ZNF559: variants seen among roughly 807,000 people sequenced by gnomAD.
ZNF559 encodes putative protein product of Nbla00121.
A neutral mutation model predicts 14.2 loss-of-function variants in ZNF559; 17 were observed. The observed-to-expected ratio is 1.20, with a 90% CI of 0.82 to 1.80. The LOEUF is 1.80. Ranked by LOEUF, ZNF559 falls within the 40% of genes most tolerant of loss-of-function variation. ZNF559 has a pLI of 0.00. For synonymous variants in ZNF559, 244 were observed against 212.4 expected (o/e 1.15, Z -1.29); for missense variants, 740 against 629.7 (o/e 1.18, Z -1.88).
chr19:9,330,761 T>G (rs978414536), intron 2 of ZNF559, among the ~76,000 whole-genome samples: 2 of 152,212 alleles, frequency 1.3e-5, no homozygotes, highest in Non-Finnish European at 2.9e-5. Flanking sequence ...TTTAAGATGA[T>G]TGTTATGACT....
rs771639174 is a variant in ZNF559, at chr19:9,342,565, A to G, written c.1114A>G (p.Met372Val). Residue 372 changes from methionine to valine, a missense_variant, in exon 7 of 7, where the codon ATG becomes GTG. Physicochemically the swap from Met to Val is conservative, Grantham distance 21. Coordinates refer to ENST00000603380, the MANE Select transcript of ZNF559 (RefSeq NM_032497.3). Reference protein sequence around the residue: ...FANSSHLTVHMRTHTGEKPYQ... With the variant: ...FANSSHLTVHVRTHTGEKPYQ... ...TAACTCTTCACATCTTACTGTACAT[A>G]TGAGAACTCACACTGGTGAGAAGCC... 7 of 1,613,978 alleles carry G rather than the reference A, an allele frequency of 4.3e-6. No homozygotes were observed. The highest frequency in any genetic ancestry group is 1.6e-4 in the Middle Eastern group (1 of 6,062).
intron 1 of ZNF559, 181 bp from the exon 2 acceptor site, chr19:9,324,514 C>T (rs1386466390): frequency 3.0e-6 from 4 of 1,313,044 alleles, no homozygotes; most frequent in African/African-American, 1.5e-5. Flanking sequence ...CTCATAGGGC[C>T]CGGCGCGGCG....
intron 5 of ZNF559, among the ~76,000 whole-genome samples, chr19:9,340,575 AAAAAAAAAAAAAAAAAG>A (rs2067512927): frequency 9.4e-6 from 1 of 106,672 alleles, no homozygotes; most frequent in Admixed American, 9.3e-5. Context: ...TCTAAAAAAA[AAAAAAAAAAAAAAAAAG>A]AGTCTTGCTC....
At chr19:9,340,827 T>A (rs1435138915) in intron 5 of ZNF559, among the ~76,000 whole-genome samples, 1 of 151,112 alleles carries the variant, frequency 6.6e-6, no homozygotes, top group Non-Finnish European at 1.5e-5. Context: ...TGTCTTGGCC[T>A]CCCAAAGTGC....
chr19:9,341,512 C>A lies in ZNF559; in HGVS notation c.244-183C>A. 3 of 1,092,488 alleles carry A rather than the reference C, an allele frequency of 2.7e-6. No homozygotes were observed. The South Asian group carries it at 4.1e-5, about 15-fold the overall frequency. The allele number at this position is 1,092,488 out of a possible 1,614,324, so 67.7% of individuals were successfully genotyped here. On this transcript the variant is annotated intron_variant, in intron 6 of 6. Transcript: ENST00000603380. ...AGAATATAACAGAACTTCCTGCAGT[C>A]ACTTTGTTCCACTTGAAAACACTCA...
chr19:9,324,381 CCCT>C (rs996975389), intron 1 of ZNF559, 153 bp downstream of exon 1: 3 of 1,487,676 alleles, frequency 2.0e-6, no homozygotes, highest in Non-Finnish European at 2.7e-6. Context: ...AAGTCGCGGC[CCCT>C]CCTCTGAGAG....
At chr19:9,331,811 C>G (rs1326673147) in intron 2 of ZNF559, among the ~76,000 whole-genome samples, 1 of 152,092 alleles carries the variant, frequency 6.6e-6, no homozygotes, top group Non-Finnish European at 1.5e-5. Context: ...GTAGGGCTTC[C>G]TACTCTGCCA....
At position 9,338,661 on chromosome 19, in the gene ZNF559, G is replaced by C. The variant is rs8110584; in HGVS notation, c.33+79G>C. 8 of 1,122,740 alleles carry C rather than the reference G, an allele frequency of 7.1e-6. No homozygotes were observed. The Admixed American group carries it at 8.9e-5, about 13-fold the overall frequency. 69.5% of individuals were successfully genotyped at this position (1,122,740 alleles called of 1,614,324 possible). ...GATGTGTTTTCTCCTAGTGGAACAG[G>C]GCCCCTGCAAGCAAAGAGGGTCTGC... is the stretch of plus-strand genomic sequence containing the variant. On this transcript the variant is annotated intron_variant, in intron 4 of 6. Transcript: ENST00000603380.
Position 9,342,866 on chromosome 19 carries a change from A to G in ZNF559, c.1415A>G (p.Gln472Arg). 1.9e-6 allele frequency: 3 copies of G among 1,614,090 alleles called. No homozygotes were observed. Residue 472 changes from glutamine (Q) to arginine (R), a missense_variant, in exon 7 of 7, where the codon CAA becomes CGA. By Grantham distance (43) the Gln-to-Arg change is conservative (BLOSUM62 1). Transcript: ENST00000603380. The stretch of plus-strand genomic sequence containing the variant: ...CCATATAAATGTCAAAAGTGTGGGC[A>G]AGCCTTCAGTATCTCATCAGGCCTT... ...ERPYKCQKCG[Q>R]AFSISSGLTV...
At chr19:9,336,536 A>G (rs984069590) in intron 2 of ZNF559, among the ~76,000 whole-genome samples, 3 of 152,054 alleles carry the variant, frequency 2.0e-5, no homozygotes, top group Admixed American at 1.3e-4. Flanking sequence ...CCTTGCTTGC[A>G]GTGAGCCAAG....
intron 1 of ZNF559, 75 bp from the exon 2 acceptor site, chr19:9,324,620 C>T (rs1479322217): frequency 1.1e-5 from 5 of 476,140 alleles, no homozygotes; most frequent in South Asian, 5.1e-5. Flanking sequence ...ATAGGGAGAC[C>T]CCCCCCCCCA....
At position 9,342,758 on chromosome 19, in the gene ZNF559, C is replaced by A. The variant is rs2067640949; in HGVS notation, c.1307C>A (p.Pro436His). 1 of 1,614,018 alleles carries A rather than the reference C, an allele frequency of 6.2e-7. No individual in the cohort carries two copies. The highest frequency in any genetic ancestry group is 1.7e-5 in the Admixed American group (1 of 59,982). ...RHLRSHSAER[P>H]FECEECGKAF... ...TTGAGAAGTCACAGTGCAGAAAGGC[C>A]TTTTGAATGTGAGGAATGTGGGAAA... The change falls in exon 7 of 7, where the codon CCT becomes CAT. Residue 436 changes from proline (P) to histidine (H), a missense_variant. Transcript: ENST00000603380.
rs1015969926 is a variant in ZNF559, at chr19:9,324,412, C to T, written c.-206+184C>T. 32 of 1,450,186 alleles carry T rather than the reference C, an allele frequency of 2.2e-5. No individual in the cohort carries two copies. In the Admixed American group the frequency reaches 4.6e-4, roughly 21 times the overall value. 89.8% of individuals were successfully genotyped at this position (1,450,186 alleles called of 1,614,324 possible). ...TCTGAGAGCCACAGTCAGGTCTGTCCTCAGGGGTCGAGGCGGCTGCGCTGG... is the reference window on the plus strand; with the variant it reads ...TCTGAGAGCCACAGTCAGGTCTGTCTTCAGGGGTCGAGGCGGCTGCGCTGG... On this transcript the variant is annotated intron_variant, in intron 1 of 6. Coordinates refer to ENST00000603380, the MANE Select transcript of ZNF559 (RefSeq NM_032497.3).
rs1226406382 is a variant in ZNF559 at position 9,341,760 on chromosome 19, C to T, written c.309C>T (p.His103=). Reference sequence around the variant, plus strand: ...AATGTGAAAAAGCCTTGAGTGAACACTCATGCCTTAAGACTCACAGGAGAA... The same window carrying T: ...AATGTGAAAAAGCCTTGAGTGAACATTCATGCCTTAAGACTCACAGGAGAA... ...FNQCEKALSE[H]SCLKTHRRTY... Residue 103 remains histidine (H), a synonymous_variant, in exon 7 of 7, where the codon CAC becomes CAT. Coordinates refer to ENST00000603380, the MANE Select transcript of ZNF559 (RefSeq NM_032497.3). The T allele has an allele frequency of 6.2e-7, 1 of 1,603,414 alleles. No homozygotes were observed. The highest frequency in any genetic ancestry group is 1.8e-5 in the Admixed American group (1 of 56,782).
Position 9,341,142 on chromosome 19 carries a change from G to A in ZNF559, c.201G>A (p.Gln67=), listed in dbSNP as rs536071324. 7.1e-5 allele frequency: 115 copies of A among 1,613,730 alleles called. No individual in the cohort carries two copies. Among genetic ancestry groups the A allele is most frequent in the Middle Eastern group, 1.6e-4 (1 of 6,078 alleles). The part of the protein sequence containing the change: ...SHINTKWSAP[Q]QNFLQGKTSS... ...TTAATACCAAATGGTCAGCACCTCA[G>A]CAGAATTTTTTGCAGGGGAAAACAT... The change falls in exon 6 of 7, where the codon CAG becomes CAA. Residue 67 remains glutamine, a synonymous_variant. Transcript: ENST00000603380.
At chr19:9,341,283 G>T (rs773983789) in intron 6 of ZNF559, 99 bp downstream of exon 6, 2 of 1,216,764 alleles carry the variant, frequency 1.6e-6, no homozygotes, top group Non-Finnish European at 2.4e-6. Flanking sequence ...AGACATTTGA[G>T]ACTAGTGTTT....
At chr19:9,325,916 C>T (rs1208577044) in intron 2 of ZNF559, among the ~76,000 whole-genome samples, 6 of 151,954 alleles carry the variant, frequency 3.9e-5, no homozygotes, top group Non-Finnish European at 8.8e-5. Context: ...CCCTTTTAAG[C>T]GTGTATCTCA....
rs1401136446 is a variant in ZNF559 at position 9,343,031 on chromosome 19, C to G, written c.1580C>G (p.Thr527Ser). The G allele has an allele frequency of 6.2e-7, 1 of 1,613,440 alleles. No homozygotes were observed. The highest frequency in any genetic ancestry group is 1.7e-5 in the Admixed American group (1 of 59,960). ...AAACCATATAAGGAATGTGGGCAAACCTTTAGTAATTCCTCATGCCTTACT... is the reference window on the plus strand; with the variant it reads ...AAACCATATAAGGAATGTGGGCAAAGCTTTAGTAATTCCTCATGCCTTACT... ...VEKPYKECGQ[T>S]FSNSSCLTEC... Residue 527 changes from threonine (T) to serine (S), a missense_variant, in exon 7 of 7, where the codon ACC becomes AGC. Transcript: ENST00000603380.
chr19:9,334,171 G>A (rs1169582365), intron 2 of ZNF559, among the ~76,000 whole-genome samples: 1 of 152,178 alleles, frequency 6.6e-6, no homozygotes, highest in Non-Finnish European at 1.5e-5. Context: ...TCAAATGTCT[G>A]TCTACAAGAA....
Sources: allele counts gnomAD v4.1 joint callset (sites outside exome capture counted in the v4.1 genomes callset), GRCh38; gene constraint gnomAD v4.1.1; transcripts MANE v1.5; gene names NCBI Gene and HGNC (gene_info 2026-07-23, HGNC 2026-07-21).